The following MYO5B variants were observed in gnomAD, a reference collection of about 807,000 sequenced individuals.
MYO5B encodes myosin VB, also known as unconventional myosin-Vb.
Under a neutral mutation model 229.3 loss-of-function variants are expected in MYO5B, and 143 were observed. That is an observed-to-expected ratio of 0.62 (90% CI 0.54 to 0.72). The LOEUF (loss-of-function observed/expected upper bound fraction) is 0.72, where lower values mean the gene tolerates loss of function less well. MYO5B is among the 30% of genes least tolerant of loss of function. The pLI is 0.00. For synonymous variants in MYO5B, 918 were observed against 885.2 expected, an observed-to-expected ratio of 1.04 and a Z score of -0.66; for missense variants, 2,321 against 2,331.0, an observed-to-expected ratio of 1.00 and a Z score of 0.09.
chr18:50,010,589 A>G (rs943882348), intron 4 of MYO5B, among the ~76,000 whole-genome samples: 3 of 152,254 alleles, frequency 2.0e-5, no homozygotes, highest in African/African-American at 7.2e-5. Context: ...TTCTATATCA[A>G]CTGAAGTTTA....
At chr18:50,181,896 A>G (rs565358449) in intron 1 of MYO5B, among the ~76,000 whole-genome samples, 6 of 152,322 alleles carry the variant, frequency 3.9e-5, no homozygotes, top group South Asian at 2.1e-4. Flanking sequence ...ATCCCTCATT[A>G]CGGAATTCAG....
chr18:50,006,278 T>C (rs541516001), intron 4 of MYO5B, among the ~76,000 whole-genome samples: 2 of 152,314 alleles, frequency 1.3e-5, no homozygotes, highest in East Asian at 3.9e-4. Flanking sequence ...ATATAACCAA[T>C]GTGTGGCTTC....
intron 7 of MYO5B, among the ~76,000 whole-genome samples, chr18:49,990,006 C>T (rs1019743717): frequency 6.6e-6 from 1 of 152,188 alleles, no homozygotes; most frequent in Non-Finnish European, 1.5e-5. Context: ...GCTTTATTCT[C>T]TGCTTTATCC....
At chr18:50,020,479 C>T (rs1042387276) in intron 4 of MYO5B, among the ~76,000 whole-genome samples, 2 of 152,200 alleles carry the variant, frequency 1.3e-5, no homozygotes, top group South Asian at 4.1e-4. Context: ...ACCTGAATGT[C>T]GGGACTCCAA....
intron 28 of MYO5B, 134 bp downstream of exon 28, chr18:49,864,007 G>T: frequency 7.4e-7 from 1 of 1,352,370 alleles, no homozygotes; most frequent in Non-Finnish European, 1.0e-6. Flanking sequence ...CTGCCTTTTT[G>T]GAGGAGACCC....
At chr18:49,918,614 C>T (rs972124729) in intron 17 of MYO5B, among the ~76,000 whole-genome samples, 2 of 152,190 alleles carry the variant, frequency 1.3e-5, no homozygotes, top group African/African-American at 4.8e-5. Flanking sequence ...AAGAGCCTTA[C>T]AGGAACCTAT....
intron 2 of MYO5B, among the ~76,000 whole-genome samples, chr18:50,049,749 G>T (rs2030342023): frequency 6.6e-6 from 1 of 152,178 alleles, no homozygotes; most frequent in South Asian, 2.1e-4. Context: ...CGGGGCAGGG[G>T]TGCAAGTTGC....
chr18:50,012,830 C>T (rs1181254375), intron 4 of MYO5B, among the ~76,000 whole-genome samples: 10 of 152,214 alleles, frequency 6.6e-5, no homozygotes. Context: ...CAAAGGTTAG[C>T]ATTCCTTCCT....
intron 1 of MYO5B, among the ~76,000 whole-genome samples, chr18:50,163,773 A>T (rs1440941453): frequency 6.6e-6 from 1 of 152,212 alleles, no homozygotes; most frequent in Non-Finnish European, 1.5e-5. Flanking sequence ...GACCCCATGG[A>T]GCTGGCCCCT....
chr18:50,067,708 G>A (rs2030856419), intron 1 of MYO5B, among the ~76,000 whole-genome samples: 1 of 152,090 alleles, frequency 6.6e-6, no homozygotes, highest in Non-Finnish European at 1.5e-5. Flanking sequence ...CACAAATGCT[G>A]GCTCCCCTTT....
chr18:50,113,584 C>G (rs2031906774), intron 1 of MYO5B, among the ~76,000 whole-genome samples: 1 of 152,172 alleles, frequency 6.6e-6, no homozygotes, highest in African/African-American at 2.4e-5. Context: ...AATTATCAGG[C>G]GCACGTACAA....
intron 19 of MYO5B, 22 bp downstream of exon 19, chr18:49,906,387 CTGCTGCCCTG>C: frequency 6.2e-7 from 1 of 1,605,850 alleles, no homozygotes; most frequent in Non-Finnish European, 8.5e-7. Flanking sequence ...CCACCATGAT[CTGCTGCCCTG>C]AGCTGCCACA....
intron 17 of MYO5B, among the ~76,000 whole-genome samples, chr18:49,921,666 C>T (rs963045948): frequency 1.3e-5 from 2 of 152,178 alleles, no homozygotes; most frequent in Non-Finnish European, 2.9e-5. Context: ...TGCAATGCTG[C>T]ATTCCTGCTC....
At chr18:50,101,745 C>T (rs945766693) in intron 1 of MYO5B, among the ~76,000 whole-genome samples, 4 of 152,146 alleles carry the variant, frequency 2.6e-5, no homozygotes, top group African/African-American at 9.7e-5. Flanking sequence ...ACAATAGATG[C>T]TGGTGAGGCT....
chr18:49,920,607 A>G (rs1294085373), intron 17 of MYO5B, among the ~76,000 whole-genome samples: 1 of 152,156 alleles, frequency 6.6e-6, no homozygotes, highest in Non-Finnish European at 1.5e-5. Flanking sequence ...ACTGGCTCCG[A>G]GTTGGAGCTG....
At chr18:50,009,029 G>A (rs1008621049) in intron 4 of MYO5B, among the ~76,000 whole-genome samples, 4 of 152,222 alleles carry the variant, frequency 2.6e-5, no homozygotes, top group East Asian at 1.9e-4. Context: ...TGGAAGACAG[G>A]GTAGAAAAAT....
chr18:50,167,593 A>C (rs1406029080), intron 1 of MYO5B, among the ~76,000 whole-genome samples: 2 of 152,196 alleles, frequency 1.3e-5, no homozygotes, highest in Admixed American at 6.5e-5. Context: ...ACTCCATGAA[A>C]GGTCATGGAC....
intron 26 of MYO5B, 111 bp downstream of exon 26, chr18:49,875,576 T>TAGC: frequency 2.0e-6 from 3 of 1,466,352 alleles, no homozygotes; most frequent in Non-Finnish European, 2.9e-6. Flanking sequence ...CTCTGAGACT[T>TAGC]AGCAGGAGCA....
At chr18:50,014,447 G>A (rs1043882578) in intron 4 of MYO5B, among the ~76,000 whole-genome samples, 1 of 152,222 alleles carries the variant, frequency 6.6e-6, no homozygotes, top group Non-Finnish European at 1.5e-5. Flanking sequence ...GTTTGTAAGA[G>A]AGAGTATTAA....
Sources: allele counts gnomAD v4.1 joint callset (sites outside exome capture counted in the v4.1 genomes callset), GRCh38; gene constraint gnomAD v4.1.1; transcripts MANE v1.5; gene names NCBI Gene and HGNC (gene_info 2026-07-23, HGNC 2026-07-21).